The following PHF21B variants were observed in gnomAD, a reference collection of about 807,000 sequenced individuals.
The protein encoded by PHF21B is PHD finger protein 4.
Under a neutral mutation model 62.2 loss-of-function variants are expected in PHF21B, and 22 were observed. That is an observed-to-expected ratio of 0.35 (90% CI 0.25 to 0.51). PHF21B has a LOEUF of 0.51. Among genes scored for constraint, PHF21B ranks in the 20% least tolerant of loss-of-function variants. The pLI, the probability that PHF21B is intolerant of heterozygous loss-of-function variation, is 0.97. For synonymous variants in PHF21B, 341 were observed against 314.7 expected, an observed-to-expected ratio of 1.08 and a Z score of -0.88; for missense variants, 701 against 707.9, an observed-to-expected ratio of 0.99 and a Z score of 0.11.
chr22:44,917,986 C>T (rs2071469018), intron 3 of PHF21B, among the ~76,000 whole-genome samples: 1 of 152,270 alleles, frequency 6.6e-6, no homozygotes, highest in Non-Finnish European at 1.5e-5. Flanking sequence ...CCTGGCCACA[C>T]CACGGGCAGG....
chr22:44,916,231 C>G, intron 4 of PHF21B, 49 bp downstream of exon 4: 3 of 1,551,750 alleles, frequency 1.9e-6, no homozygotes, highest in Non-Finnish European at 1.7e-6. Context: ...CTCTCGGCCT[C>G]CTGTATGCGG....
intron 2 of PHF21B, among the ~76,000 whole-genome samples, chr22:44,973,216 C>T (rs2072672600): frequency 6.6e-6 from 1 of 152,088 alleles, no homozygotes; most frequent in African/African-American, 2.4e-5. Flanking sequence ...TGCTGGTCTC[C>T]ACCCTGTCCC....
chr22:44,942,731 C>T (rs967378580), intron 2 of PHF21B, among the ~76,000 whole-genome samples: 1 of 152,152 alleles, frequency 6.6e-6, no homozygotes, highest in Admixed American at 6.5e-5. Flanking sequence ...GTCGGGGAGC[C>T]ACGTGGAGGG....
intron 5 of PHF21B, among the ~76,000 whole-genome samples, chr22:44,906,474 G>C (rs964883804): frequency 1.4e-4 from 22 of 152,228 alleles, no homozygotes; most frequent in African/African-American, 4.8e-4. Context: ...GAGAGGTGCG[G>C]GGCTGGGACC....
chr22:44,935,949 G>A (rs1056644056), intron 2 of PHF21B, among the ~76,000 whole-genome samples: 2 of 152,206 alleles, frequency 1.3e-5, no homozygotes, highest in South Asian at 2.1e-4. Context: ...GCGCCACGCC[G>A]TGCTGCCCAG....
chr22:44,986,655 G>C (rs1239290016), intron 2 of PHF21B, among the ~76,000 whole-genome samples: 1 of 152,080 alleles, frequency 6.6e-6, no homozygotes, highest in Non-Finnish European at 1.5e-5. Flanking sequence ...AAGGATTTGA[G>C]GCCAGATAAT....
At chr22:44,994,885 A>T (rs1007816712) in intron 2 of PHF21B, among the ~76,000 whole-genome samples, 3 of 152,260 alleles carry the variant, frequency 2.0e-5, no homozygotes, top group East Asian at 1.9e-4. Context: ...AAACTTGGGG[A>T]GCGCCAGGGC....
chr22:44,974,655 G>A (rs991585869), intron 2 of PHF21B, among the ~76,000 whole-genome samples: 1 of 152,158 alleles, frequency 6.6e-6, no homozygotes, highest in Non-Finnish European at 1.5e-5. Context: ...ATGCAGCCTG[G>A]TGCTATACAG....
At chr22:44,939,388 G>GCCTT (rs1471308518) in intron 2 of PHF21B, among the ~76,000 whole-genome samples, 1 of 152,204 alleles carries the variant, frequency 6.6e-6, no homozygotes, top group Non-Finnish European at 1.5e-5. Flanking sequence ...CCCACCTGAG[G>GCCTT]CCTTACCTGT....
In PHF21B at chr22:44,882,712, C is replaced by T. The variant is rs2070760281; in HGVS notation, c.*374G>A. ...CGGTGCCCTCAGTGGAGACTGCGTT[C>T]TGGGGGGCGTGCTTGTCCCCTCCAC... On this transcript the variant is annotated 3_prime_UTR_variant, in exon 13 of 13. Coordinates refer to ENST00000313237, the MANE Select transcript of PHF21B (RefSeq NM_138415.5). 4.5e-6 allele frequency: 1 copy of T among 222,400 alleles called. No individual in the cohort carries two copies. Among genetic ancestry groups the T allele is most frequent in the Non-Finnish European group, 8.8e-6 (1 of 113,370 alleles). 13.8% of individuals were successfully genotyped at this position (222,400 alleles called of 1,614,324 possible).
chr22:44,948,588 G>A (rs2147383777), intron 2 of PHF21B, among the ~76,000 whole-genome samples: 1 of 152,222 alleles, frequency 6.6e-6, no homozygotes, highest in Middle Eastern at 3.4e-3. Flanking sequence ...ATACTTGGGA[G>A]GCTGAGGCAC....
chr22:44,888,323 G>C (rs970875310), intron 9 of PHF21B, among the ~76,000 whole-genome samples: 1 of 152,194 alleles, frequency 6.6e-6, no homozygotes. Context: ...TGGGAGGAGG[G>C]GGGGCACCCA....
At chr22:44,953,022 G>A (rs754622417) in intron 2 of PHF21B, among the ~76,000 whole-genome samples, 8 of 152,178 alleles carry the variant, frequency 5.3e-5, no homozygotes, top group Non-Finnish European at 1.0e-4. Flanking sequence ...CAGCCAGGGG[G>A]ACAGAAGTGG....
intron 12 of PHF21B, among the ~76,000 whole-genome samples, chr22:44,885,006 G>A (rs1382877665): frequency 6.6e-6 from 1 of 152,274 alleles, no homozygotes; most frequent in East Asian, 1.9e-4. Context: ...TCAGGGCCCT[G>A]CCAAGGGGCC....
At chr22:44,958,174 A>G (rs974955423) in intron 2 of PHF21B, among the ~76,000 whole-genome samples, 1 of 152,030 alleles carries the variant, frequency 6.6e-6, no homozygotes, top group Non-Finnish European at 1.5e-5. Flanking sequence ...AAGTGCTGGG[A>G]TTACAGGTGT....
Position 44,914,012 on chromosome 22 carries a change from GTGA to G in PHF21B, c.638_640del (p.Leu213_Thr214delinsPro). 1.7e-6 allele frequency: 2 copies of G among 1,201,366 alleles called. No individual in the cohort carries two copies. The highest frequency in any genetic ancestry group is 1.2e-6 in the Non-Finnish European group (1 of 809,786). 74.4% of individuals were successfully genotyped at this position (1,201,366 alleles called of 1,614,324 possible). On this transcript the variant is annotated inframe_deletion, in exon 5 of 13. Transcript: ENST00000313237. ...AGGGGACAGTGATGGGGAGGGAGGG[GTGA>G]GGGGAAGAGAGGAGGGGTGGAGGGG... is the stretch of plus-strand genomic sequence containing the variant.
intron 9 of PHF21B, among the ~76,000 whole-genome samples, chr22:44,888,951 G>A (rs1236756198): frequency 1.3e-5 from 2 of 152,206 alleles, no homozygotes; most frequent in Admixed American, 6.5e-5. Context: ...CAGAGCTCAG[G>A]CTCCAGGTGT....
intron 3 of PHF21B, among the ~76,000 whole-genome samples, chr22:44,917,313 T>TGG (rs1390499351): frequency 1.3e-5 from 2 of 152,180 alleles, no homozygotes; most frequent in Admixed American, 1.3e-4. Flanking sequence ...TGAGACTTAC[T>TGG]GGGGTTCGGA....
chr22:44,916,335 G>C lies in PHF21B; in HGVS notation c.509C>G (p.Ser170Cys). The change falls in exon 4 of 13, where the codon TCT becomes TGT. Residue 170 changes from serine to cysteine, a missense_variant. By Grantham distance (112) the Ser-to-Cys change is moderately radical. Transcript: ENST00000313237. ...AAAMAPSTAV[S>C]VVSDSIKVQP... ...GACTTTGATGCTGTCACTGACCACA[G>C]ACACGGCGGTGCTGGGGGCCATGGC... The C allele has an allele frequency of 6.2e-7, 1 of 1,600,072 alleles. No individual in the cohort carries two copies. The highest frequency in any genetic ancestry group is 8.5e-7 in the Non-Finnish European group (1 of 1,177,200).
Sources: allele counts gnomAD v4.1 joint callset (sites outside exome capture counted in the v4.1 genomes callset), GRCh38; gene constraint gnomAD v4.1.1; transcripts MANE v1.5; gene names NCBI Gene and HGNC (gene_info 2026-07-23, HGNC 2026-07-21).